Variants in CNTN3 observed in about 807,000 individuals in gnomAD.
The protein encoded by CNTN3 is contactin-3.
Under a neutral mutation model 119.1 loss-of-function variants are expected in CNTN3, and 60 were observed. The observed-to-expected ratio is 0.50, with a 90% CI of 0.41 to 0.62. The LOEUF (loss-of-function observed/expected upper bound fraction) is 0.62. Ranked by LOEUF, CNTN3 falls within the 20% of genes least tolerant of loss-of-function variation. The pLI, the probability that CNTN3 is intolerant of heterozygous loss-of-function variation, is 0.00. For synonymous variants in CNTN3, 450 were observed against 438.7 expected (o/e 1.03, Z -0.32); for missense variants, 1,101 against 1,242.4 (o/e 0.89, Z 1.71).
At chr3:74,335,425 C>A (rs1482936909) in intron 12 of CNTN3, among the ~76,000 whole-genome samples, 1 of 152,070 alleles carries the variant, frequency 6.6e-6, no homozygotes, top group Non-Finnish European at 1.5e-5. Context: ...TTTTCCCCAA[C>A]GCAAATGTCC....
intron 16 of CNTN3, among the ~76,000 whole-genome samples, chr3:74,301,119 C>G (rs947228908): frequency 6.6e-6 from 1 of 152,180 alleles, no homozygotes; most frequent in Non-Finnish European, 1.5e-5. Flanking sequence ...CTATGTCAGA[C>G]AGTAATTATA....
At chr3:74,557,639 G>A (rs1030790539) in intron 1 of CNTN3, among the ~76,000 whole-genome samples, 5 of 150,470 alleles carry the variant, frequency 3.3e-5, no homozygotes, top group Admixed American at 6.7e-5. Flanking sequence ...TAACATTTCC[G>A]CCAGGAACAC....
intron 13 of CNTN3, among the ~76,000 whole-genome samples, chr3:74,315,727 T>C (rs1447751002): frequency 6.6e-6 from 1 of 152,138 alleles, no homozygotes; most frequent in Admixed American, 6.5e-5. Flanking sequence ...TTGAAAAAGA[T>C]CTTGTGGTGC....
At chr3:74,514,054 G>T (rs1703412163) in intron 2 of CNTN3, among the ~76,000 whole-genome samples, 1 of 151,674 alleles carries the variant, frequency 6.6e-6, no homozygotes, top group South Asian at 2.1e-4. Context: ...AAAAATCAGT[G>T]TTTAATATTT....
At chr3:74,453,352 C>T (rs539222499) in intron 4 of CNTN3, among the ~76,000 whole-genome samples, 26 of 151,996 alleles carry the variant, frequency 1.7e-4, no homozygotes, top group Admixed American at 1.5e-3. Flanking sequence ...TCTGTGGGAT[C>T]GGTGGTGATA....
At chr3:74,409,940 G>C (rs757908392) in intron 5 of CNTN3, among the ~76,000 whole-genome samples, 3 of 152,078 alleles carry the variant, frequency 2.0e-5, no homozygotes, top group Non-Finnish European at 1.5e-5. Flanking sequence ...ATGTTTCTCA[G>C]CTTGGAATAC....
At chr3:74,484,396 T>A (rs1702815240) in intron 4 of CNTN3, among the ~76,000 whole-genome samples, 1 of 151,866 alleles carries the variant, frequency 6.6e-6, no homozygotes, top group South Asian at 2.1e-4. Flanking sequence ...GAACAGGAAG[T>A]CATAGGAAAG....
At chr3:74,552,160 C>T (rs1575824476) in intron 1 of CNTN3, among the ~76,000 whole-genome samples, 1 of 152,224 alleles carries the variant, frequency 6.6e-6, no homozygotes, top group South Asian at 2.1e-4. Context: ...TAATATTCCA[C>T]TTTATGGTTG....
rs1701617253 is a variant in CNTN3 at position 74,263,648 on chromosome 3, T to G, written c.*753A>C. On this transcript the variant is annotated 3_prime_UTR_variant, in exon 23 of 23. Coordinates refer to ENST00000263665, the MANE Select transcript of CNTN3 (RefSeq NM_020872.3). ...ATGACTTTTATGTGATTAAATAAAT[T>G]CATGCTAATATTTTGCATGGGTCAA... 6.6e-6 allele frequency: 1 copy of G among 152,108 alleles called. No individual in the cohort carries two copies. The highest frequency in any genetic ancestry group is 1.5e-5 in the Non-Finnish European group (1 of 67,986). 9.4% of individuals were successfully genotyped at this position (152,108 alleles called of 1,614,324 possible).
At position 74,280,875 on chromosome 3, in the gene CNTN3, A is replaced by G. The variant is rs530089961; in HGVS notation, c.2704+4430T>C. Among the ~76,000 whole-genome samples, 9 of 152,324 alleles carry G rather than the reference A, an allele frequency of 5.9e-5. No individual in the cohort carries two copies. In the East Asian group the frequency reaches 1.7e-3, roughly 29 times the overall value. On this transcript the variant is annotated intron_variant, in intron 20 of 22. Transcript: ENST00000263665. ...TGGCTCTGAGGCTATGCACAAGGATAAAACAGGGAAGGAGACAAGAGCATC... is the reference window on the plus strand; with the variant it reads ...TGGCTCTGAGGCTATGCACAAGGATGAAACAGGGAAGGAGACAAGAGCATC...
intron 5 of CNTN3, among the ~76,000 whole-genome samples, chr3:74,381,814 T>G (rs759078984): frequency 6.6e-6 from 1 of 152,192 alleles, no homozygotes; most frequent in Non-Finnish European, 1.5e-5. Flanking sequence ...CTCCTGATGT[T>G]ACAGAGAAAT....
intron 13 of CNTN3, among the ~76,000 whole-genome samples, chr3:74,325,564 C>T (rs568868593): frequency 6.6e-6 from 1 of 152,138 alleles, no homozygotes; most frequent in South Asian, 2.1e-4. Flanking sequence ...AAGCAGGACC[C>T]CTTTACTAGT....
At chr3:74,343,092 A>G (rs1383215950) in intron 11 of CNTN3, among the ~76,000 whole-genome samples, 3 of 152,222 alleles carry the variant, frequency 2.0e-5, no homozygotes, top group African/African-American at 7.2e-5. Context: ...TATGAGTCTA[A>G]CCAGGGAAAA....
chr3:74,295,862 C>G (rs1260167949), intron 18 of CNTN3, among the ~76,000 whole-genome samples: 1 of 152,094 alleles, frequency 6.6e-6, no homozygotes, highest in Non-Finnish European at 1.5e-5. Context: ...CAGGAATCTC[C>G]CCTCCCTCAG....
intron 4 of CNTN3, among the ~76,000 whole-genome samples, chr3:74,448,446 T>C (rs1026341217): frequency 2.0e-5 from 3 of 152,144 alleles, no homozygotes; most frequent in Non-Finnish European, 4.4e-5. Context: ...ATGTGTATTG[T>C]ATTATTTTAG....
intron 1 of CNTN3, among the ~76,000 whole-genome samples, chr3:74,610,240 C>T (rs1015570398): frequency 6.6e-6 from 1 of 151,906 alleles, no homozygotes; most frequent in African/African-American, 2.4e-5. Flanking sequence ...GGGAGAATCA[C>T]TTAGCCCAGG....
intron 2 of CNTN3, 51 bp downstream of exon 2, chr3:74,521,007 A>T: frequency 9.6e-7 from 1 of 1,038,682 alleles, no homozygotes; most frequent in Non-Finnish European, 1.4e-6. Context: ...TAAGCATATG[A>T]CTCGAGTATA....
At chr3:74,604,177 G>A (rs1575863016) in intron 1 of CNTN3, among the ~76,000 whole-genome samples, 1 of 152,024 alleles carries the variant, frequency 6.6e-6, no homozygotes, top group East Asian at 1.9e-4. Flanking sequence ...TGAATTAAAG[G>A]CTTAAACACA....
intron 1 of CNTN3, among the ~76,000 whole-genome samples, chr3:74,594,065 A>T (rs1205338162): frequency 6.6e-6 from 1 of 151,848 alleles, no homozygotes. Flanking sequence ...TCCTAGCTAC[A>T]TACCCAGTAA....
Sources: gnomAD v4.1 joint callset for allele counts (sites outside exome capture counted in the v4.1 genomes callset) on GRCh38, gnomAD v4.1.1 for gene constraint, MANE v1.5 for transcripts, NCBI Gene and HGNC (gene_info 2026-07-23, HGNC 2026-07-21) for gene names.